Variants in GABRB1 observed in about 807,000 individuals in gnomAD.
The protein encoded by GABRB1 is gamma-aminobutyric acid receptor subunit beta-1.
A neutral mutation model predicts 51.6 loss-of-function variants in GABRB1; 17 were observed. The observed-to-expected ratio is 0.33, with a 90% CI of 0.23 to 0.49. The LOEUF (loss-of-function observed/expected upper bound fraction) is 0.49, where lower values mean the gene tolerates loss of function less well. Ranked by LOEUF, GABRB1 falls within the 20% of genes least tolerant of loss-of-function variation. GABRB1 has a pLI of 0.99. For missense variants in GABRB1, 410 were observed against 600.6 expected, an observed-to-expected ratio of 0.68 and a Z score of 3.32; for synonymous variants, 247 against 218.9, an observed-to-expected ratio of 1.13 and a Z score of -1.14.
chr4:47,225,356 C>T (rs1235170156), intron 4 of GABRB1, among the ~76,000 whole-genome samples: 4 of 152,078 alleles, frequency 2.6e-5, no homozygotes, highest in Non-Finnish European at 4.4e-5. Flanking sequence ...TAACATTCAT[C>T]AGATTTTCCC....
chr4:47,136,260 G>A (rs1716643844), intron 3 of GABRB1, among the ~76,000 whole-genome samples: 2 of 152,092 alleles, frequency 1.3e-5, no homozygotes, highest in African/African-American at 2.4e-5. Context: ...CGAGAGTGCT[G>A]GGATTACAGG....
At chr4:47,152,947 C>T (rs1037438711) in intron 3 of GABRB1, among the ~76,000 whole-genome samples, 1 of 152,032 alleles carries the variant, frequency 6.6e-6, no homozygotes, top group Non-Finnish European at 1.5e-5. Flanking sequence ...CTGATATCCT[C>T]CTACTCGATC....
chr4:47,028,375 G>T (rs1281371132), upstream of GABRB1, among the ~76,000 whole-genome samples: 2 of 151,722 alleles, frequency 1.3e-5, no homozygotes, highest in African/African-American at 4.8e-5. Flanking sequence ...TTAAGTTACT[G>T]ACTACAGTCA....
intron 4 of GABRB1, among the ~76,000 whole-genome samples, chr4:47,292,271 C>A (rs1723775432): frequency 6.6e-6 from 1 of 152,200 alleles, no homozygotes; most frequent in Non-Finnish European, 1.5e-5. Context: ...GATTGTGAGG[C>A]ATCCCCAGCA....
chr4:47,299,039 T>A (rs1161717031), intron 4 of GABRB1, among the ~76,000 whole-genome samples: 1 of 151,432 alleles, frequency 6.6e-6, no homozygotes, highest in Non-Finnish European at 1.5e-5. Flanking sequence ...TAGCCATATG[T>A]AGAAAGCTGA....
chr4:47,391,524 G>T (rs1280082284), intron 5 of GABRB1, among the ~76,000 whole-genome samples: 2 of 152,170 alleles, frequency 1.3e-5, no homozygotes, highest in Non-Finnish European at 2.9e-5. Context: ...GTGCTTATAT[G>T]TTTCTCACCT....
chr4:47,064,299 G>A lies in GABRB1; in HGVS notation c.240+31815G>A, dbSNP rs146681083. 2.0e-4 allele frequency among the ~76,000 whole-genome samples: 31 copies of A among 152,202 alleles called. No homozygotes were observed. The East Asian group carries it at 5.8e-3, about 29-fold the overall frequency. ...TTCTTGCCTATTTTAACTAAAGTAG[G>A]ATACTTTGTCATTCTTCTCTTCTTT... On this transcript the variant is annotated intron_variant, in intron 3 of 8. Transcript: ENST00000295454.
intron 1 of GABRB1, among the ~76,000 whole-genome samples, chr4:47,001,461 T>C (rs1398236125): frequency 6.6e-6 from 1 of 152,176 alleles, no homozygotes; most frequent in Non-Finnish European, 1.5e-5. Context: ...TTTCAATATT[T>C]CTGTGAATGT....
intron 3 of GABRB1, among the ~76,000 whole-genome samples, chr4:47,120,226 G>A (rs552374394): frequency 1.6e-4 from 24 of 152,160 alleles, no homozygotes; most frequent in Middle Eastern, 6.8e-3. Context: ...CAACACTAGA[G>A]CACCCAAATA....
intron 3 of GABRB1, among the ~76,000 whole-genome samples, chr4:47,049,821 A>C (rs1454213207): frequency 6.6e-6 from 1 of 152,226 alleles, no homozygotes; most frequent in African/African-American, 2.4e-5. Flanking sequence ...AGGGAAAAAC[A>C]GCTAACTTGA....
intron 3 of GABRB1, among the ~76,000 whole-genome samples, chr4:47,120,977 G>C (rs1256185638): frequency 6.6e-6 from 1 of 152,196 alleles, no homozygotes; most frequent in African/African-American, 2.4e-5. Context: ...GTCTCACTAG[G>C]CTGCATGCCC....
At chr4:47,302,643 A>G (rs1375624949) in intron 4 of GABRB1, among the ~76,000 whole-genome samples, 1 of 151,994 alleles carries the variant, frequency 6.6e-6, no homozygotes, top group East Asian at 1.9e-4. Context: ...TAGGTCTAAA[A>G]ATAAGATTTT....
chr4:47,365,002 G>T (rs1270110927), intron 5 of GABRB1, among the ~76,000 whole-genome samples: 1 of 152,200 alleles, frequency 6.6e-6, no homozygotes, highest in African/African-American at 2.4e-5. Context: ...ATATCAGGAT[G>T]CTGATTTGCA....
chr4:47,387,614 A>T (rs1349962132), intron 5 of GABRB1, among the ~76,000 whole-genome samples: 1 of 152,224 alleles, frequency 6.6e-6, no homozygotes, highest in Non-Finnish European at 1.5e-5. Context: ...TTGATTGTGG[A>T]AAAAGCGAAT....
rs1387779329 is a variant in GABRB1, at chr4:47,425,706, C to G, written c.1113C>G (p.Thr371=). The change falls in exon 9 of 9, where the codon ACC becomes ACG. Residue 371 remains threonine, a synonymous_variant. Transcript: ENST00000295454. ...CCCACGGTAACATTCTCCTCAGCAC[C>G]CTGGAAATCCGGAATGAGACGAGTG... is the stretch of plus-strand genomic sequence containing the variant. The part of the protein sequence containing the change: ...VDAHGNILLS[T]LEIRNETSGS... 1.9e-6 allele frequency: 3 copies of G among 1,613,204 alleles called. No individual in the cohort carries two copies. Among genetic ancestry groups the G allele is most frequent in the Middle Eastern group, 1.7e-4 (1 of 6,056 alleles).
intron 3 of GABRB1, among the ~76,000 whole-genome samples, chr4:47,135,744 T>C (rs1281601089): frequency 6.6e-6 from 1 of 152,076 alleles, no homozygotes; most frequent in Non-Finnish European, 1.5e-5. Flanking sequence ...CTTTATAAAG[T>C]GTTCATCTGT....
chr4:47,287,308 G>A (rs1019044006), intron 4 of GABRB1, among the ~76,000 whole-genome samples: 1 of 152,202 alleles, frequency 6.6e-6, no homozygotes, highest in Non-Finnish European at 1.5e-5. Flanking sequence ...TTTTGTCCAT[G>A]AGCCTTTCTG....
At chr4:47,281,580 G>A (rs10010561) in intron 4 of GABRB1, among the ~76,000 whole-genome samples, 66,119 of 151,936 alleles carry the variant, frequency 0.44, 15,204 homozygotes, top group East Asian at 0.81. Flanking sequence ...GTATGTTGAA[G>A]AGATATCTGC....
chr4:47,100,867 A>G (rs2109606193), intron 3 of GABRB1, among the ~76,000 whole-genome samples: 1 of 152,050 alleles, frequency 6.6e-6, no homozygotes, highest in East Asian at 1.9e-4. Context: ...TAGAGGGGGT[A>G]TGCAAATATC....
Sources: allele counts gnomAD v4.1 joint callset (sites outside exome capture counted in the v4.1 genomes callset), GRCh38; gene constraint gnomAD v4.1.1; transcripts MANE v1.5; gene names NCBI Gene and HGNC (gene_info 2026-07-23, HGNC 2026-07-21).